Variants in PEX7 observed in about 807,000 individuals in gnomAD.
PEX7 encodes the protein peroxisomal biogenesis factor 7, also known as PTS2 receptor.
Under a neutral mutation model 47.5 loss-of-function variants are expected in PEX7, and 34 were observed. The observed-to-expected ratio is 0.72, with a 90% CI of 0.54 to 0.95. The LOEUF is 0.95. Among genes scored for constraint, PEX7 ranks in the 40% least tolerant of loss-of-function variants. The pLI, the probability that PEX7 is intolerant of heterozygous loss-of-function variation, is 0.00. For synonymous variants in PEX7, 141 were observed against 148.8 expected (o/e 0.95, Z 0.38); for missense variants, 394 against 400.3 (o/e 0.98, Z 0.13).
intron 3 of PEX7, among the ~76,000 whole-genome samples, chr6:136,839,671 C>T (rs1030289137): frequency 2.0e-5 from 3 of 151,994 alleles, no homozygotes; most frequent in East Asian, 1.9e-4. Context: ...TGGGTGTGGA[C>T]GGGGAGGTTG....
chr6:136,866,802 C>CT, intron 6 of PEX7, 69 bp downstream of exon 6: 1 of 1,367,656 alleles, frequency 7.3e-7, no homozygotes. Flanking sequence ...TTTTATTTGT[C>CT]TTTGTTTATG....
intron 3 of PEX7, among the ~76,000 whole-genome samples, chr6:136,835,816 A>AT (rs1774375535): frequency 6.6e-6 from 1 of 152,214 alleles, no homozygotes; most frequent in African/African-American, 2.4e-5. Context: ...AAAAGGAGCG[A>AT]TTTGATTTAC....
Position 136,903,908 on chromosome 6 carries a change from G to C in PEX7, c.903+5667G>C, listed in dbSNP as rs141730899. On this transcript the variant is annotated intron_variant, in intron 9 of 9. Transcript: ENST00000318471. ...GCTGGTCTGGATCTCCTGGGCTCAAGTGATCCTCCCACCTCAGCCTCCCAA... is the reference window on the plus strand; with the variant it reads ...GCTGGTCTGGATCTCCTGGGCTCAACTGATCCTCCCACCTCAGCCTCCCAA... 7.2e-3 allele frequency among the ~76,000 whole-genome samples: 1,093 copies of C among 151,660 alleles called. 14 individuals carry two copies. Among genetic ancestry groups the C allele is most frequent in the African/African-American group, 0.025 (1,048 of 41,256 alleles).
At chr6:136,879,073 T>C (rs1030379237) in intron 8 of PEX7, among the ~76,000 whole-genome samples, 3 of 151,708 alleles carry the variant, frequency 2.0e-5, no homozygotes, top group Non-Finnish European at 2.9e-5. Context: ...CTACTTTCGC[T>C]TTTTTTTCCC....
intron 8 of PEX7, among the ~76,000 whole-genome samples, chr6:136,888,181 CA>C: frequency 6.6e-6 from 1 of 151,878 alleles, no homozygotes; most frequent in South Asian, 2.1e-4. Flanking sequence ...CCGTTACCAA[CA>C]AAAAAAGGTC....
At chr6:136,894,573 G>C (rs1241227299) in intron 8 of PEX7, among the ~76,000 whole-genome samples, 4 of 152,168 alleles carry the variant, frequency 2.6e-5, no homozygotes, top group African/African-American at 4.8e-5. Context: ...CTGGGCGACA[G>C]AGTGAGACTC....
chr6:136,891,366 A>T (rs1775549679), intron 8 of PEX7, among the ~76,000 whole-genome samples: 2 of 152,184 alleles, frequency 1.3e-5, no homozygotes, highest in East Asian at 3.8e-4. Flanking sequence ...ATCATATGTA[A>T]CCTTCAAAGT....
At chr6:136,840,742 C>T (rs1350743549) in intron 3 of PEX7, among the ~76,000 whole-genome samples, 1 of 152,178 alleles carries the variant, frequency 6.6e-6, no homozygotes, top group Non-Finnish European at 1.5e-5. Flanking sequence ...CCTTTAGGAT[C>T]TTATCCCTCC....
rs530038844 is a variant in PEX7, at chr6:136,843,874, T to G, written c.340-1741T>G. Among the ~76,000 whole-genome samples, 7 of 152,100 alleles carry G rather than the reference T, an allele frequency of 4.6e-5. No individual in the cohort carries two copies. The South Asian group carries it at 1.0e-3, about 23-fold the overall frequency. Reference sequence around the variant, plus strand: ...AGGCAGGGCCAGGACTAGGGTAGAATGTGTGAGGCACTCACTCTAGGTACA... The same window carrying G: ...AGGCAGGGCCAGGACTAGGGTAGAAGGTGTGAGGCACTCACTCTAGGTACA... On this transcript the variant is annotated intron_variant, in intron 3 of 9. Coordinates refer to ENST00000318471, the MANE Select transcript of PEX7 (RefSeq NM_000288.4).
intron 5 of PEX7, among the ~76,000 whole-genome samples, chr6:136,849,951 G>T (rs1394770047): frequency 1.3e-5 from 2 of 151,928 alleles, no homozygotes; most frequent in African/African-American, 4.8e-5. Flanking sequence ...TTGACAGTGG[G>T]GTGTTAAAGT....
intron 8 of PEX7, among the ~76,000 whole-genome samples, chr6:136,875,159 C>CT (rs372130143): frequency 0.64 from 95,152 of 149,008 alleles, 30,300 homozygotes; most frequent in African/African-American, 0.69. Context: ...AAAAAAAGAA[C>CT]TTTTTTTTTT....
chr6:136,869,542 G>A (rs975397527), intron 6 of PEX7, among the ~76,000 whole-genome samples: 2 of 152,224 alleles, frequency 1.3e-5, no homozygotes, highest in Non-Finnish European at 2.9e-5. Context: ...AGAAAGCTGG[G>A]CTCATTTGTC....
intron 8 of PEX7, among the ~76,000 whole-genome samples, chr6:136,876,653 G>A (rs1401231240): frequency 1.3e-5 from 2 of 152,166 alleles, no homozygotes; most frequent in Non-Finnish European, 2.9e-5. Context: ...CCCTGCCCCT[G>A]CAAAGGACAT....
intron 8 of PEX7, among the ~76,000 whole-genome samples, chr6:136,879,341 GT>G (rs1775335327): frequency 6.6e-6 from 1 of 152,112 alleles, no homozygotes; most frequent in African/African-American, 2.4e-5. Flanking sequence ...ACTCTCATAT[GT>G]TTAAAACTAT....
intron 9 of PEX7, among the ~76,000 whole-genome samples, chr6:136,912,242 G>A (rs1166964962): frequency 1.3e-5 from 2 of 151,720 alleles, no homozygotes; most frequent in Admixed American, 1.3e-4. Flanking sequence ...ATTTTTGATT[G>A]AGTGTAACTT....
Position 136,825,251 on chromosome 6 carries a change from T to A in PEX7, c.168T>A (p.Ala56=), listed in dbSNP as rs1159376627. 2 of 1,613,686 alleles carry A rather than the reference T, an allele frequency of 1.2e-6. No individual in the cohort carries two copies. The highest frequency in any genetic ancestry group is 1.7e-6 in the Non-Finnish European group (2 of 1,179,690). Residue 56 remains alanine (A), a synonymous_variant, in exon 2 of 10, where the codon GCT becomes GCA. Transcript: ENST00000318471. ...GTLLILDPDE[A]GLRLFRSFDW... ...TACTAATATTGGATCCAGATGAAGC[T>A]GGGCTAAGGCTTTTTAGAAGGTAAG...
chr6:136,856,303 A>G (rs745791822), intron 5 of PEX7, among the ~76,000 whole-genome samples: 19 of 151,874 alleles, frequency 1.3e-4, no homozygotes, highest in Admixed American at 4.6e-4. Context: ...AAAAAAAAAA[A>G]AAAAAAAAAA....
At chr6:136,867,994 TAAG>T (rs1775106079) in intron 6 of PEX7, among the ~76,000 whole-genome samples, 1 of 152,200 alleles carries the variant, frequency 6.6e-6, no homozygotes, top group African/African-American at 2.4e-5. Context: ...CCATTCATGG[TAAG>T]GACCCTACTA....
At chr6:136,890,786 A>G (rs1369582987) in intron 8 of PEX7, among the ~76,000 whole-genome samples, 1 of 152,156 alleles carries the variant, frequency 6.6e-6, no homozygotes, top group Non-Finnish European at 1.5e-5. Flanking sequence ...GATTGTCAAC[A>G]TTTAGGTGTG....
Sources: allele counts gnomAD v4.1 joint callset (sites outside exome capture counted in the v4.1 genomes callset), GRCh38; gene constraint gnomAD v4.1.1; transcripts MANE v1.5; gene names NCBI Gene and HGNC (gene_info 2026-07-23, HGNC 2026-07-21).